ATL1: variants seen among roughly 807,000 people sequenced by gnomAD.
ATL1 encodes the protein atlastin-1.
A neutral mutation model predicts 75.5 loss-of-function variants in ATL1; 31 were observed. The observed-to-expected ratio is 0.41, with a 90% CI of 0.31 to 0.55. ATL1 has a LOEUF of 0.55. Among genes scored for constraint, ATL1 ranks in the 20% least tolerant of loss-of-function variants. ATL1 has a pLI of 0.27. For missense variants in ATL1, 405 were observed against 662.6 expected (o/e 0.61, Z 4.27); for synonymous variants, 226 against 233.3 (o/e 0.97, Z 0.28).
intron 1 of ATL1, among the ~76,000 whole-genome samples, chr14:50,564,420 C>G (rs1188096611): frequency 6.6e-6 from 1 of 151,778 alleles, no homozygotes; most frequent in African/African-American, 2.4e-5. Context: ...GAAGCTAAGG[C>G]GGGCAGATCA....
At chr14:50,569,768 G>A (rs2038937993) in intron 1 of ATL1, among the ~76,000 whole-genome samples, 1 of 152,054 alleles carries the variant, frequency 6.6e-6, no homozygotes, top group Non-Finnish European at 1.5e-5. Context: ...TGTTTATCTG[G>A]GGATGTCTTA....
At chr14:50,557,793 C>T (rs1033827045), upstream of ATL1, among the ~76,000 whole-genome samples, 6 of 152,120 alleles carry the variant, frequency 3.9e-5, no homozygotes, top group African/African-American at 1.4e-4. Context: ...CAACTAGCAC[C>T]CACGTCTTGG....
intron 1 of ATL1, among the ~76,000 whole-genome samples, chr14:50,573,210 T>G (rs772604804): frequency 5.8e-4 from 88 of 152,244 alleles, no homozygotes; most frequent in Middle Eastern, 3.4e-3. Flanking sequence ...TCCATAATAT[T>G]TTTTTTACCC....
chr14:50,630,756 A>G (rs117845604), intron 13 of ATL1, among the ~76,000 whole-genome samples: 2 of 152,360 alleles, frequency 1.3e-5, no homozygotes, highest in East Asian at 1.9e-4. Flanking sequence ...ACAAGTCAAT[A>G]AGAAGTTATT....
intron 1 of ATL1, chr14:50,572,088 T>TGG (rs2038959992): frequency 1.9e-6 from 1 of 522,724 alleles, no homozygotes; most frequent in Non-Finnish European, 3.7e-6. Flanking sequence ...TAATTTCAGT[T>TGG]ATAACTTCTT....
chr14:50,542,591 G>T (rs995691575), intron 1 of ATL1: 3 of 152,354 alleles, frequency 2.0e-5, no homozygotes, highest in Admixed American at 6.5e-5. Flanking sequence ...TGATCTGGAA[G>T]ACACAAGTAA....
At chr14:50,569,937 T>C (rs1424666289) in intron 1 of ATL1, among the ~76,000 whole-genome samples, 3 of 152,216 alleles carry the variant, frequency 2.0e-5, no homozygotes, top group Non-Finnish European at 4.4e-5. Flanking sequence ...TAATCCCTTA[T>C]ATGTGATATG....
chr14:50,542,002 G>A (rs1232978189), intron 1 of ATL1, among the ~76,000 whole-genome samples: 4 of 75,758 alleles, frequency 5.3e-5, no homozygotes, highest in Non-Finnish European at 8.9e-5. Context: ...GCGAGATTCC[G>A]TCTCAAAAAA....
In ATL1 at chr14:50,632,090, A is replaced by G; in HGVS notation, c.1567-139A>G. The G allele has an allele frequency of 8.9e-6, 5 of 564,824 alleles. No individual in the cohort carries two copies. The South Asian group carries it at 1.2e-4, about 13-fold the overall frequency. The allele number at this position is 564,824 out of a possible 1,614,324, so 35.0% of individuals were successfully genotyped here. ...GTTGAAAATACTTTTGAATTTTAAG[A>G]TAATAATTTATATATCGATTAAAAA... On this transcript the variant is annotated intron_variant, in intron 13 of 13. Coordinates refer to ENST00000358385, the MANE Select transcript of ATL1 (RefSeq NM_015915.5).
At chr14:50,607,953 T>C (rs938358981) in intron 6 of ATL1, among the ~76,000 whole-genome samples, 1 of 152,118 alleles carries the variant, frequency 6.6e-6, no homozygotes. Context: ...TACCAAGTCA[T>C]GCTGTAATAC....
intron 6 of ATL1, among the ~76,000 whole-genome samples, chr14:50,605,886 A>C (rs1367918621): frequency 2.0e-5 from 3 of 152,022 alleles, no homozygotes; most frequent in Admixed American, 6.6e-5. Flanking sequence ...ATTCCTTAAC[A>C]CTCAGCTCAA....
intron 13 of ATL1, among the ~76,000 whole-genome samples, chr14:50,631,310 GTAGGTA>G (rs1445971367): frequency 6.6e-5 from 10 of 151,208 alleles, no homozygotes; most frequent in African/African-American, 2.4e-4. Context: ...TCCAAAGAAA[GTAGGTA>G]TAGACTCACA....
chr14:50,562,052 T>A (rs1415027865), intron 1 of ATL1, among the ~76,000 whole-genome samples: 1 of 149,550 alleles, frequency 6.7e-6, no homozygotes, highest in Admixed American at 6.7e-5. Context: ...GCTATAAACT[T>A]TTTTTTTTTT....
chr14:50,542,072 G>C (rs935653640), intron 1 of ATL1, among the ~76,000 whole-genome samples: 5 of 131,876 alleles, frequency 3.8e-5, no homozygotes, highest in African/African-American at 1.4e-4. Flanking sequence ...TCTGCTGACA[G>C]CTATTGTCTG....
intron 1 of ATL1, 188 bp downstream of exon 1, chr14:50,560,487 A>C: frequency 1.3e-6 from 1 of 741,116 alleles, no homozygotes; most frequent in Non-Finnish European, 2.2e-6. Flanking sequence ...GCGTCACCGA[A>C]TCGCGCTGTC....
At chr14:50,550,106 G>A (rs145012011) in intron 1 of ATL1, among the ~76,000 whole-genome samples, 4 of 152,308 alleles carry the variant, frequency 2.6e-5, no homozygotes, top group South Asian at 4.1e-4. Context: ...TGTACTCTTT[G>A]AGGGAGGTCT....
chr14:50,588,145 A>C (rs912921540), intron 2 of ATL1, 67 bp downstream of exon 2: 2 of 1,594,280 alleles, frequency 1.3e-6, no homozygotes, highest in African/African-American at 1.3e-5. Context: ...TTTTTATTTC[A>C]TGGTGTTCAA....
intron 1 of ATL1, chr14:50,572,006 A>T: frequency 2.0e-6 from 1 of 508,242 alleles, no homozygotes; most frequent in South Asian, 1.7e-5. Flanking sequence ...CCATCTCCAC[A>T]CATTTATCTA....
At chr14:50,568,584 T>G (rs1193752111) in intron 1 of ATL1, among the ~76,000 whole-genome samples, 1 of 152,214 alleles carries the variant, frequency 6.6e-6, no homozygotes, top group East Asian at 1.9e-4. Context: ...AAAGCTCTTA[T>G]AGACAGCATA....
Sources: allele counts gnomAD v4.1 joint callset (sites outside exome capture counted in the v4.1 genomes callset), GRCh38; gene constraint gnomAD v4.1.1; transcripts MANE v1.5; gene names NCBI Gene and HGNC (gene_info 2026-07-23, HGNC 2026-07-21).